The following TLL1 variants were observed in gnomAD, a reference collection of about 807,000 sequenced individuals.
The protein encoded by TLL1 is tolloid like 1.
TLL1 carries 49 observed loss-of-function variants against 128.2 expected under a neutral mutation model. The ratio of observed to expected loss-of-function variants is 0.38; its 90% confidence interval spans 0.30 to 0.48. The LOEUF (loss-of-function observed/expected upper bound fraction) is 0.48, where lower values mean the gene tolerates loss of function less well. Among genes scored for constraint, TLL1 ranks in the 20% least tolerant of loss-of-function variants. The pLI is 0.96. For synonymous variants in TLL1, 454 were observed against 418.8 expected (o/e 1.08, Z -1.03); for missense variants, 1,123 against 1,242.0 (o/e 0.90, Z 1.44).
chr4:166,022,979 A>T (rs1738312091), intron 8 of TLL1, among the ~76,000 whole-genome samples: 1 of 152,206 alleles, frequency 6.6e-6, no homozygotes, highest in South Asian at 2.1e-4. Flanking sequence ...ACACATTATT[A>T]CTCTCACAAG....
chr4:166,049,684 A>G (rs1387450461), intron 12 of TLL1, among the ~76,000 whole-genome samples: 1 of 150,520 alleles, frequency 6.6e-6, no homozygotes, highest in Non-Finnish European at 1.5e-5. Context: ...TACTACTAAT[A>G]AATATTATTA....
intron 9 of TLL1, among the ~76,000 whole-genome samples, chr4:166,025,913 A>T (rs1351299186): frequency 6.6e-6 from 1 of 152,280 alleles, no homozygotes; most frequent in East Asian, 1.9e-4. Flanking sequence ...GAAATATGAA[A>T]TTCAGACCTC....
chr4:165,994,038 G>C (rs571404468), intron 3 of TLL1, among the ~76,000 whole-genome samples: 2 of 152,122 alleles, frequency 1.3e-5, no homozygotes, highest in Non-Finnish European at 2.9e-5. Flanking sequence ...TGTTTTAACT[G>C]TTGGTGAATT....
intron 1 of TLL1, among the ~76,000 whole-genome samples, chr4:165,901,692 G>C (rs1450884168): frequency 6.6e-6 from 1 of 152,194 alleles, no homozygotes; most frequent in Non-Finnish European, 1.5e-5. Flanking sequence ...ACCCTGCTGG[G>C]AGGTGACTCC....
At chr4:166,002,866 T>C (rs560434294) in intron 5 of TLL1, among the ~76,000 whole-genome samples, 12 of 152,362 alleles carry the variant, frequency 7.9e-5, no homozygotes, top group African/African-American at 2.2e-4. Flanking sequence ...TAAATAAGTT[T>C]AACTCTCTTT....
intron 12 of TLL1, among the ~76,000 whole-genome samples, chr4:166,049,161 T>C (rs1360744218): frequency 2.6e-5 from 4 of 152,180 alleles, no homozygotes; most frequent in Non-Finnish European, 1.5e-5. Flanking sequence ...TCTTCATGAA[T>C]TACGGTCTAG....
At chr4:166,045,165 T>C (rs1212687641) in intron 12 of TLL1, among the ~76,000 whole-genome samples, 1 of 152,190 alleles carries the variant, frequency 6.6e-6, no homozygotes, top group East Asian at 1.9e-4. Context: ...ATTTATTGTC[T>C]CTAGTTTCCT....
At chr4:166,043,186 G>A (rs1423324592) in intron 11 of TLL1, 88 bp from the exon 12 acceptor site, 42 of 1,571,064 alleles carry the variant, frequency 2.7e-5, no homozygotes, top group Non-Finnish European at 3.6e-5. Flanking sequence ...AGCTACAGGA[G>A]CTGAACTTCA....
At chr4:165,906,800 A>G (rs1732277931) in intron 1 of TLL1, among the ~76,000 whole-genome samples, 1 of 148,228 alleles carries the variant, frequency 6.7e-6, no homozygotes, top group South Asian at 2.1e-4. Context: ...AGTAGACTAC[A>G]GATCCTTTTG....
chr4:166,026,976 A>G (rs1446217600), intron 9 of TLL1, among the ~76,000 whole-genome samples: 13 of 152,178 alleles, frequency 8.5e-5, no homozygotes, highest in Admixed American at 8.5e-4. Context: ...TAGCAAAAAC[A>G]TGGAATCAAG....
At position 166,064,669 on chromosome 4, in the gene TLL1, T is replaced by A. The variant is rs1340791379; in HGVS notation, c.2008-1014T>A. On this transcript the variant is annotated intron_variant, in intron 15 of 20. Transcript: ENST00000061240. ...CTTAAAACATCATTATTTTATTCAT[T>A]ATATTGCTATTCCAAAGGAAAGTCA... Among the ~76,000 whole-genome samples the A allele has an allele frequency of 2.0e-5, 3 of 152,130 alleles. No individual in the cohort carries two copies. The East Asian group carries it at 5.8e-4, about 29-fold the overall frequency.
At chr4:166,088,094 G>A (rs1405333947) in intron 18 of TLL1, among the ~76,000 whole-genome samples, 1 of 152,100 alleles carries the variant, frequency 6.6e-6, no homozygotes, top group East Asian at 1.9e-4. Flanking sequence ...GTCTACCAAA[G>A]GAAGATAGTG....
At chr4:166,084,982 G>A (rs1741442558) in intron 18 of TLL1, among the ~76,000 whole-genome samples, 1 of 151,776 alleles carries the variant, frequency 6.6e-6, no homozygotes, top group South Asian at 2.1e-4. Context: ...AGTTTTCAGT[G>A]TAGAGATTTC....
In TLL1 at chr4:166,039,380, T is replaced by G. The variant is rs771463215; in HGVS notation, c.1200T>G (p.Ser400Arg). Residue 400 changes from serine to arginine, a missense_variant, in exon 10 of 21, where the codon AGT (serine) becomes AGG (arginine). Transcript: ENST00000061240. ...NFTTMDLYKS[S>R]LCWYDYIEVR... ...CAACGATGGATCTATACAAGAGTAG[T>G]TTGTGCTGGTATGACTATATTGAAG... 2.5e-6 allele frequency: 4 copies of G among 1,613,522 alleles called. No homozygotes were observed.
intron 12 of TLL1, chr4:166,053,141 A>G (rs962587986): frequency 6.6e-6 from 1 of 151,580 alleles, no homozygotes; most frequent in African/African-American, 2.4e-5. Flanking sequence ...GGATTTATGA[A>G]AAGTATCCAA....
At chr4:166,043,547 C>G in intron 12 of TLL1, 128 bp downstream of exon 12, 1 of 1,396,176 alleles carries the variant, frequency 7.2e-7, no homozygotes, top group Non-Finnish European at 1.0e-6. Flanking sequence ...AGCAAAGGAT[C>G]GCTCATAAAA....
chr4:166,040,830 T>C (rs937585437), intron 10 of TLL1, among the ~76,000 whole-genome samples: 3 of 152,226 alleles, frequency 2.0e-5, no homozygotes, highest in African/African-American at 7.2e-5. Flanking sequence ...GCTGTTAGTA[T>C]GAACTTGCTT....
At chr4:166,040,080 C>T (rs1014093031) in intron 10 of TLL1, among the ~76,000 whole-genome samples, 1 of 152,138 alleles carries the variant, frequency 6.6e-6, no homozygotes, top group Non-Finnish European at 1.5e-5. Flanking sequence ...TTACTGTTGC[C>T]CTCTGTTTTA....
intron 1 of TLL1, among the ~76,000 whole-genome samples, chr4:165,878,500 G>T (rs1350046396): frequency 1.3e-5 from 2 of 152,056 alleles, no homozygotes; most frequent in African/African-American, 4.8e-5. Flanking sequence ...TAAGTCGTTA[G>T]TCCTTGTCTT....
Sources: allele counts gnomAD v4.1 joint callset (sites outside exome capture counted in the v4.1 genomes callset), GRCh38; gene constraint gnomAD v4.1.1; transcripts MANE v1.5; gene names NCBI Gene and HGNC (gene_info 2026-07-23, HGNC 2026-07-21).